The following MFN1 variants were observed in gnomAD, a reference collection of about 807,000 sequenced individuals.
The protein encoded by MFN1 is mitofusin 1, also known as mitofusin-1.
A neutral mutation model predicts 92.4 loss-of-function variants in MFN1; 65 were observed. That is an observed-to-expected ratio of 0.70 (90% CI 0.58 to 0.86). The LOEUF is 0.86. Among genes scored for constraint, MFN1 ranks in the 40% least tolerant of loss-of-function variants. The pLI is 0.00. For synonymous variants in MFN1, 297 were observed against 300.9 expected (o/e 0.99, Z 0.13); for missense variants, 781 against 868.0 (o/e 0.90, Z 1.26).
intron 12 of MFN1, chr3:179,378,092 C>A: frequency 2.4e-6 from 1 of 412,234 alleles, no homozygotes; most frequent in Non-Finnish European, 4.3e-6. Flanking sequence ...AGCATGGCGA[C>A]ACGCTTCTAT....
At chr3:179,366,992 A>G (rs1712819627) in intron 7 of MFN1, among the ~76,000 whole-genome samples, 2 of 152,210 alleles carry the variant, frequency 1.3e-5, no homozygotes, top group Admixed American at 6.5e-5. Flanking sequence ...CAGGGGCACG[A>G]TCTTGGCTCA....
intron 14 of MFN1, among the ~76,000 whole-genome samples, chr3:179,379,691 G>C (rs1373831695): frequency 6.6e-6 from 1 of 152,044 alleles, no homozygotes; most frequent in Non-Finnish European, 1.5e-5. Flanking sequence ...ATACCCTTGT[G>C]GGTGACATTG....
intron 15 of MFN1, among the ~76,000 whole-genome samples, chr3:179,386,144 G>A (rs1213243229): frequency 6.6e-6 from 1 of 152,152 alleles, no homozygotes; most frequent in Non-Finnish European, 1.5e-5. Flanking sequence ...GGATATGCTT[G>A]TTTTGGTTTT....
chr3:179,379,926 A>G (rs1020659494), intron 14 of MFN1, among the ~76,000 whole-genome samples: 4 of 152,200 alleles, frequency 2.6e-5, no homozygotes, highest in Non-Finnish European at 5.9e-5. Context: ...GAAAAAAACA[A>G]AAACACTGCA....
chr3:179,372,360 A>T (rs897542977), intron 9 of MFN1, among the ~76,000 whole-genome samples: 2 of 151,588 alleles, frequency 1.3e-5, no homozygotes, highest in African/African-American at 4.8e-5. Flanking sequence ...TTAATTACAT[A>T]TATAAATTTA....
At chr3:179,389,160 A>G (rs770955464) in intron 16 of MFN1, among the ~76,000 whole-genome samples, 10 of 152,326 alleles carry the variant, frequency 6.6e-5, no homozygotes, top group Non-Finnish European at 1.2e-4. Context: ...TCATTCATTC[A>G]TTGACCAAGT....
At chr3:179,359,555 G>GGATTACA (rs1470477992) in intron 4 of MFN1, among the ~76,000 whole-genome samples, 1 of 149,376 alleles carries the variant, frequency 6.7e-6, no homozygotes, top group Non-Finnish European at 1.5e-5. Context: ...TGAGTAGCTG[G>GGATTACA]GATTACAGGT....
intron 3 of MFN1, among the ~76,000 whole-genome samples, chr3:179,358,637 G>A (rs1193014704): frequency 6.6e-6 from 1 of 152,200 alleles, no homozygotes; most frequent in African/African-American, 2.4e-5. Flanking sequence ...AGAAAGGTGG[G>A]ATTTGTCTTC....
intron 8 of MFN1, 41 bp downstream of exon 8, chr3:179,367,633 A>G: frequency 6.5e-7 from 1 of 1,532,314 alleles, no homozygotes. Flanking sequence ...ATATAAAAAT[A>G]TTTAAAATTG....
chr3:179,391,717 G>T (rs1461502853), intron 17 of MFN1, among the ~76,000 whole-genome samples: 1 of 152,122 alleles, frequency 6.6e-6, no homozygotes, highest in Non-Finnish European at 1.5e-5. Flanking sequence ...AATATTTTTG[G>T]TATGCCATTG....
chr3:179,362,050 A>G (rs1712601133), intron 4 of MFN1, among the ~76,000 whole-genome samples: 1 of 152,330 alleles, frequency 6.6e-6, no homozygotes, highest in Non-Finnish European at 1.5e-5. Flanking sequence ...AGTGATACAC[A>G]TTTATTTCAG....
intron 8 of MFN1, 147 bp from the exon 9 acceptor site, chr3:179,367,889 C>G (rs1712862138): frequency 9.3e-6 from 4 of 429,358 alleles, no homozygotes; most frequent in Non-Finnish European, 1.4e-5. Flanking sequence ...CGCCATTGCA[C>G]TCCAGCTCTG....
At chr3:179,387,015 A>G (rs1713711675) in intron 16 of MFN1, among the ~76,000 whole-genome samples, 1 of 152,042 alleles carries the variant, frequency 6.6e-6, no homozygotes, top group South Asian at 2.1e-4. Flanking sequence ...TCTTGGGCTC[A>G]AGTGATCTTA....
At chr3:179,390,588 T>C (rs1713862063) in intron 17 of MFN1, among the ~76,000 whole-genome samples, 1 of 152,232 alleles carries the variant, frequency 6.6e-6, no homozygotes, top group Non-Finnish European at 1.5e-5. Flanking sequence ...TCTGGTTTGA[T>C]ATGATTCATT....
rs1211464775 is a variant in MFN1 at position 179,378,690 on chromosome 3, G to T, written c.1538G>T (p.Cys513Phe). ...LSYNLNYHKLCSDFQEDIVFR... is the reference protein window; with the variant it reads ...LSYNLNYHKLFSDFQEDIVFR... The stretch of plus-strand genomic sequence containing the variant: ...TATAATCTAAATTACCACAAGTTAT[G>T]TTCAGATTTTCAAGAGGATATTGTA... The change falls in exon 14 of 18, where the codon TGT becomes TTT. Residue 513 changes from cysteine (C) to phenylalanine (F), a missense_variant. Physicochemically the swap from Cys to Phe is radical, Grantham distance 205. Transcript: ENST00000471841. 6.2e-7 allele frequency: 1 copy of T among 1,613,710 alleles called. No individual in the cohort carries two copies. The highest frequency in any genetic ancestry group is 8.5e-7 in the Non-Finnish European group (1 of 1,179,678).
intron 6 of MFN1, 36 bp from the exon 7 acceptor site, chr3:179,365,082 T>C: frequency 8.8e-7 from 1 of 1,137,328 alleles, no homozygotes; most frequent in Non-Finnish European, 1.2e-6. Flanking sequence ...ATGTAAATTA[T>C]AGTGAATGTA....
intron 3 of MFN1, among the ~76,000 whole-genome samples, chr3:179,353,693 T>C (rs918855636): frequency 7.2e-5 from 11 of 152,216 alleles, no homozygotes; most frequent in African/African-American, 2.7e-4. Context: ...TGCCACAGCT[T>C]ATATGCAAAG....
At chr3:179,355,958 GA>G (rs1189093634) in intron 3 of MFN1, among the ~76,000 whole-genome samples, 1 of 149,006 alleles carries the variant, frequency 6.7e-6, no homozygotes, top group Non-Finnish European at 1.5e-5. Flanking sequence ...TCTCAAACAA[GA>G]AAAAAAAATG....
chr3:179,387,231 T>G (rs2108559025), intron 16 of MFN1, among the ~76,000 whole-genome samples: 1 of 152,144 alleles, frequency 6.6e-6, no homozygotes, highest in South Asian at 2.1e-4. Context: ...ACTCAAAAGA[T>G]CTTCAGCAGA....
Sources: gnomAD v4.1 joint callset for allele counts (sites outside exome capture counted in the v4.1 genomes callset) on GRCh38, gnomAD v4.1.1 for gene constraint, MANE v1.5 for transcripts, NCBI Gene and HGNC (gene_info 2026-07-23, HGNC 2026-07-21) for gene names.